Variants in RAB38 observed in about 807,000 individuals in gnomAD.
RAB38 encodes ras-related protein Rab-38.
RAB38 carries 15 observed loss-of-function variants against 18.4 expected under a neutral mutation model. The ratio of observed to expected loss-of-function variants is 0.82; its 90% CI spans 0.55 to 1.26. The LOEUF (loss-of-function observed/expected upper bound fraction) is 1.26. Among genes scored for constraint, RAB38 ranks in the 50% most tolerant of loss-of-function variants. RAB38 has a pLI of 0.00. For synonymous variants in RAB38, 101 were observed against 104.4 expected (o/e 0.97, Z 0.20); for missense variants, 294 against 267.4 (o/e 1.10, Z -0.69).
the RAB38 span, among the ~76,000 whole-genome samples, chr11:87,904,759 T>C: frequency 6.6e-6 from 1 of 151,760 alleles, no homozygotes; most frequent in Non-Finnish European, 1.5e-5. Flanking sequence ...TTTTTGACTT[T>C]TTAATAACAG....
At chr11:87,809,316 A>T in the RAB38 span, among the ~76,000 whole-genome samples, 2 of 152,214 alleles carry the variant, frequency 1.3e-5, no homozygotes, top group South Asian at 4.1e-4. Context: ...ACAACTACTG[A>T]TTTGTCCAGA....
At chr11:87,959,161 C>T in the RAB38 span, among the ~76,000 whole-genome samples, 1 of 152,056 alleles carries the variant, frequency 6.6e-6, no homozygotes, top group Non-Finnish European at 1.5e-5. Flanking sequence ...GTGTTGCTTG[C>T]AGTTGTGTTT....
At chr11:88,100,556 T>C in the RAB38 span, among the ~76,000 whole-genome samples, 1 of 151,830 alleles carries the variant, frequency 6.6e-6, no homozygotes, top group Non-Finnish European at 1.5e-5. Context: ...AAATAGATTA[T>C]TAAACATTTC....
At chr11:87,930,647 A>G in the RAB38 span, among the ~76,000 whole-genome samples, 2 of 152,154 alleles carry the variant, frequency 1.3e-5, no homozygotes, top group African/African-American at 4.8e-5. Context: ...GACCATGCCT[A>G]TGTCCTGAAT....
the RAB38 span, among the ~76,000 whole-genome samples, chr11:88,086,650 C>G: frequency 6.6e-6 from 1 of 151,788 alleles, no homozygotes; most frequent in African/African-American, 2.4e-5. Flanking sequence ...TGTTTGAACT[C>G]CCTCAACACA....
the RAB38 span, among the ~76,000 whole-genome samples, chr11:87,888,178 T>C: frequency 6.6e-6 from 1 of 151,976 alleles, no homozygotes; most frequent in Non-Finnish European, 1.5e-5. Flanking sequence ...ATCGAGTGAC[T>C]GCAGTTATCA....
the RAB38 span, among the ~76,000 whole-genome samples, chr11:88,034,229 T>A: frequency 6.6e-6 from 1 of 152,240 alleles, no homozygotes; most frequent in African/African-American, 2.4e-5. Context: ...ATGGTAAGAA[T>A]GTATCACTGT....
the RAB38 span, among the ~76,000 whole-genome samples, chr11:88,032,739 G>A: frequency 1.6e-4 from 24 of 152,324 alleles, no homozygotes; most frequent in South Asian, 4.3e-3. Flanking sequence ...AGGTGCTGGA[G>A]AGGATGTGAA....
chr11:88,147,124 C>CT (rs1942997817), intron 2 of RAB38, among the ~76,000 whole-genome samples: 1 of 152,146 alleles, frequency 6.6e-6, no homozygotes, highest in Non-Finnish European at 1.5e-5. Context: ...CTCTTCCTTT[C>CT]TTTTTTCCCT....
the RAB38 span, among the ~76,000 whole-genome samples, chr11:87,809,071 C>G: frequency 6.6e-6 from 1 of 150,512 alleles, no homozygotes; most frequent in Admixed American, 6.6e-5. Flanking sequence ...GTTGGCATGA[C>G]AAACAGAAAG....
the RAB38 span, among the ~76,000 whole-genome samples, chr11:87,915,599 T>C: frequency 6.6e-6 from 1 of 152,226 alleles, no homozygotes; most frequent in South Asian, 2.1e-4. Flanking sequence ...CCCACCCCTT[T>C]CCTGGAAAAC....
the RAB38 span, among the ~76,000 whole-genome samples, chr11:87,907,591 C>T: frequency 6.6e-6 from 1 of 151,170 alleles, no homozygotes; most frequent in Admixed American, 6.6e-5. Context: ...TTCTTTCTTT[C>T]CTATTCCAAT....
intron 2 of RAB38, among the ~76,000 whole-genome samples, chr11:88,126,818 A>G (rs1942701649): frequency 6.6e-6 from 1 of 152,222 alleles, no homozygotes; most frequent in South Asian, 2.1e-4. Flanking sequence ...ATAATCTGTG[A>G]TGAAAATAAT....
intron 2 of RAB38, among the ~76,000 whole-genome samples, chr11:88,147,619 G>A (rs1035115133): frequency 3.8e-4 from 58 of 151,742 alleles, no homozygotes; most frequent in African/African-American, 1.4e-3. Context: ...ACAGCCGGGT[G>A]CGGTGGCTCA....
the RAB38 span, among the ~76,000 whole-genome samples, chr11:87,965,231 T>C: frequency 6.6e-6 from 1 of 151,596 alleles, no homozygotes; most frequent in Non-Finnish European, 1.5e-5. Context: ...ATTGCAACTA[T>C]GCCACAACTA....
At chr11:87,894,659 G>A in the RAB38 span, among the ~76,000 whole-genome samples, 2 of 151,188 alleles carry the variant, frequency 1.3e-5, no homozygotes, top group South Asian at 4.1e-4. Context: ...TTGAAATAAC[G>A]TCAAGTATGC....
the RAB38 span, among the ~76,000 whole-genome samples, chr11:88,104,910 A>G: frequency 1.4e-4 from 22 of 152,220 alleles, no homozygotes; most frequent in African/African-American, 5.3e-4. Context: ...TCATTTATCA[A>G]ATCCCTTCTC....
At chr11:88,173,046 C>T (rs1316410500) in intron 1 of RAB38, among the ~76,000 whole-genome samples, 1 of 152,222 alleles carries the variant, frequency 6.6e-6, no homozygotes, top group African/African-American at 2.4e-5. Context: ...GCCTCCACTG[C>T]AACTTCAGTC....
chr11:88,033,225 T>A, the RAB38 span, among the ~76,000 whole-genome samples: 1 of 149,812 alleles, frequency 6.7e-6, no homozygotes, highest in Non-Finnish European at 1.5e-5. Flanking sequence ...TGGGGACTGT[T>A]GTGGCGTGGG....
Sources: allele counts gnomAD v4.1 joint callset (sites outside exome capture counted in the v4.1 genomes callset), GRCh38; gene constraint gnomAD v4.1.1; transcripts MANE v1.5; gene names NCBI Gene and HGNC (gene_info 2026-07-23, HGNC 2026-07-21).